Variants in KCNH5 observed in about 807,000 individuals in gnomAD.
KCNH5 encodes the protein potassium voltage-gated channel subfamily H member 5.
A neutral mutation model predicts 96.1 loss-of-function variants in KCNH5; 46 were observed. That is an observed-to-expected ratio of 0.48 (90% confidence interval 0.38 to 0.61). The LOEUF (loss-of-function observed/expected upper bound fraction) is 0.61, where lower values mean the gene tolerates loss of function less well. Ranked by LOEUF, KCNH5 falls within the 20% of genes least tolerant of loss-of-function variation. KCNH5 has a pLI of 0.00. For synonymous variants in KCNH5, 439 were observed against 449.8 expected (o/e 0.98, Z 0.30); for missense variants, 907 against 1,225.8 (o/e 0.74, Z 3.88).
chr14:62,802,306 T>C (rs1223551505), intron 9 of KCNH5, 23 bp downstream of exon 9: 7 of 1,602,294 alleles, frequency 4.4e-6, no homozygotes, highest in Non-Finnish European at 6.0e-6. Context: ...CATTTGCTAC[T>C]ACATTAGGAA....
At chr14:62,868,729 C>G (rs904718674) in intron 7 of KCNH5, among the ~76,000 whole-genome samples, 2 of 152,036 alleles carry the variant, frequency 1.3e-5, no homozygotes, top group Admixed American at 6.6e-5. Context: ...ATGTTCCCCT[C>G]CCTGTGTCCA....
intron 8 of KCNH5, among the ~76,000 whole-genome samples, chr14:62,834,201 T>G (rs996921424): frequency 6.6e-6 from 1 of 152,046 alleles, no homozygotes; most frequent in African/African-American, 2.4e-5. Flanking sequence ...AACATCTAAG[T>G]GTACAAGTAC....
chr14:62,946,767 A>G (rs1011449080), intron 7 of KCNH5, among the ~76,000 whole-genome samples: 1 of 152,168 alleles, frequency 6.6e-6, no homozygotes, highest in African/African-American at 2.4e-5. Flanking sequence ...TTACTGATAC[A>G]TTCAACTTAG....
At chr14:62,946,631 A>G (rs1889892578) in intron 7 of KCNH5, among the ~76,000 whole-genome samples, 1 of 152,088 alleles carries the variant, frequency 6.6e-6, no homozygotes, top group African/African-American at 2.4e-5. Flanking sequence ...AGGTATTAAC[A>G]TAGCAGCTTT....
intron 5 of KCNH5, 120 bp from the exon 6 acceptor site, chr14:62,981,384 TCTC>T (rs890473390): frequency 2.1e-6 from 2 of 935,350 alleles, no homozygotes; most frequent in African/African-American, 3.3e-5. Context: ...GCCTCCCTCT[TCTC>T]CTGAGTTGTC....
At chr14:62,799,946 TGAG>T (rs1006053015) in intron 9 of KCNH5, among the ~76,000 whole-genome samples, 2 of 147,634 alleles carry the variant, frequency 1.4e-5, no homozygotes, top group African/African-American at 5.0e-5. Flanking sequence ...CTATCAAAAA[TGAG>T]AAGAAGAAGA....
intron 7 of KCNH5, among the ~76,000 whole-genome samples, chr14:62,940,630 C>A (rs918729231): frequency 1.6e-4 from 24 of 152,126 alleles, no homozygotes; most frequent in African/African-American, 5.6e-4. Flanking sequence ...TGGAGTTCCC[C>A]GAAAGGGCCA....
At chr14:62,946,294 C>T (rs1001415166) in intron 7 of KCNH5, among the ~76,000 whole-genome samples, 1 of 152,062 alleles carries the variant, frequency 6.6e-6, no homozygotes, top group African/African-American at 2.4e-5. Flanking sequence ...TTTGACTCTA[C>T]ATAGATTTTA....
chr14:62,753,347 T>A (rs1338483277), intron 10 of KCNH5, among the ~76,000 whole-genome samples: 1 of 152,160 alleles, frequency 6.6e-6, no homozygotes, highest in East Asian at 1.9e-4. Context: ...ACTAAAGTTC[T>A]GGAAAATAGC....
chr14:62,980,798 G>T, intron 6 of KCNH5, 74 bp downstream of exon 6: 2 of 1,465,504 alleles, frequency 1.4e-6, no homozygotes, highest in Non-Finnish European at 1.8e-6. Flanking sequence ...TGGATTATCT[G>T]TGGAATCCAT....
intron 10 of KCNH5, among the ~76,000 whole-genome samples, chr14:62,777,589 C>G (rs1886123566): frequency 6.6e-6 from 1 of 152,056 alleles, no homozygotes; most frequent in South Asian, 2.1e-4. Context: ...CTACTATTTG[C>G]CAAGTTACTG....
intron 10 of KCNH5, among the ~76,000 whole-genome samples, chr14:62,761,127 G>A (rs1033394264): frequency 2.0e-5 from 3 of 152,080 alleles, no homozygotes; most frequent in Non-Finnish European, 4.4e-5. Flanking sequence ...GGCCAAGGCC[G>A]GCAGATCACC....
intron 1 of KCNH5, among the ~76,000 whole-genome samples, chr14:63,024,081 C>T (rs564642945): frequency 6.3e-4 from 96 of 152,034 alleles, no homozygotes; most frequent in Non-Finnish European, 1.2e-3. Flanking sequence ...TGGTGGCACA[C>T]GCCTGTAGTT....
intron 8 of KCNH5, among the ~76,000 whole-genome samples, chr14:62,806,236 A>T (rs1291012200): frequency 6.6e-6 from 1 of 152,152 alleles, no homozygotes; most frequent in East Asian, 1.9e-4. Flanking sequence ...ATCAAGAAAT[A>T]ACCATAAAAA....
chr14:63,016,926 C>A lies in KCNH5; in HGVS notation c.102G>T (p.Gln34His). The A allele has an allele frequency of 6.2e-7, 1 of 1,605,290 alleles. No homozygotes were observed. Among genetic ancestry groups the A allele is most frequent in the South Asian group, 1.1e-5 (1 of 88,770 alleles). ...TATAAACTACAGGCCAATCCACAATCTGGGCATTTCCCAGTAAGAAACTTG... is the reference window on the plus strand; with the variant it reads ...TATAAACTACAGGCCAATCCACAATATGGGCATTTCCCAGTAAGAAACTTG... The part of the protein sequence containing the change: ...SESSFLLGNA[Q>H]IVDWPVVYSN... The change falls in exon 2 of 11, where the codon CAG becomes CAT. Residue 34 changes from glutamine (Q) to histidine (H), a missense_variant. Physicochemically the swap from Gln to His is conservative, Grantham distance 24. Around this residue, in one of 6 missense-constraint regions of KCNH5, gnomAD observed 370 missense variants for 561.3 expected, o/e 0.66. Transcript: ENST00000322893.
At chr14:63,038,422 G>C (rs1267005035) in intron 1 of KCNH5, among the ~76,000 whole-genome samples, 1 of 152,014 alleles carries the variant, frequency 6.6e-6, no homozygotes, top group Admixed American at 6.6e-5. Context: ...CATAAGCTCA[G>C]ATCTCAAATT....
chr14:62,904,140 G>C (rs1406722901), intron 7 of KCNH5, among the ~76,000 whole-genome samples: 1 of 152,076 alleles, frequency 6.6e-6, no homozygotes, highest in African/African-American at 2.4e-5. Context: ...TCTTCATTAA[G>C]AATGCAAATA....
intron 7 of KCNH5, among the ~76,000 whole-genome samples, chr14:62,936,980 C>CAA (rs5809179): frequency 0.074 from 4,557 of 61,846 alleles, 382 homozygotes; most frequent in African/African-American, 0.12. Context: ...GACTCCATCT[C>CAA]AAAAAAAAAA....
intron 7 of KCNH5, among the ~76,000 whole-genome samples, chr14:62,932,354 G>C (rs1211848368): frequency 6.6e-6 from 1 of 151,580 alleles, no homozygotes; most frequent in Admixed American, 6.6e-5. Flanking sequence ...AGAGCTCTTG[G>C]AAATTAACGT....
Sources: allele counts gnomAD v4.1 joint callset (sites outside exome capture counted in the v4.1 genomes callset), GRCh38; gene constraint gnomAD v4.1.1; regional missense constraint gnomAD v4.1.1; transcripts MANE v1.5; gene names NCBI Gene and HGNC (gene_info 2026-07-23, HGNC 2026-07-21).